Variants in CTNNA2 observed in about 807,000 individuals in gnomAD.
CTNNA2 encodes catenin alpha-2.
CTNNA2 carries 42 observed loss-of-function variants against 101.0 expected under a neutral mutation model. That is an observed-to-expected ratio of 0.42 (90% CI 0.32 to 0.54). The LOEUF is 0.54. Among genes scored for constraint, CTNNA2 ranks in the 20% least tolerant of loss-of-function variants. The pLI, the probability that CTNNA2 is intolerant of heterozygous loss-of-function variation, is 0.14. For missense variants in CTNNA2, 871 were observed against 1,223.1 expected, an observed-to-expected ratio of 0.71 and a Z score of 4.29; for synonymous variants, 450 against 456.4, an observed-to-expected ratio of 0.99 and a Z score of 0.18.
intron 4 of CTNNA2, among the ~76,000 whole-genome samples, chr2:79,455,029 G>A (rs1004173957): frequency 6.6e-6 from 1 of 152,152 alleles, no homozygotes; most frequent in African/African-American, 2.4e-5. Context: ...CAGAACAGAT[G>A]TCATTGAATG....
intron 4 of CTNNA2, among the ~76,000 whole-genome samples, chr2:79,405,806 T>G (rs1678334906): frequency 6.6e-6 from 1 of 152,198 alleles, no homozygotes; most frequent in South Asian, 2.1e-4. Flanking sequence ...AATCCTGAAT[T>G]ATGGAAACTG....
chr2:80,376,644 G>T (rs530327414), intron 7 of CTNNA2, among the ~76,000 whole-genome samples: 111 of 152,256 alleles, frequency 7.3e-4, no homozygotes, highest in East Asian at 2.3e-3. Context: ...ATTTAGAAAA[G>T]AATGTTTTTC....
chr2:80,251,691 T>C (rs1671780412), intron 7 of CTNNA2, among the ~76,000 whole-genome samples: 1 of 152,188 alleles, frequency 6.6e-6, no homozygotes. Context: ...TCTGAATTGT[T>C]GGAAGGCTAG....
At chr2:80,604,326 G>T in intron 16 of CTNNA2, 147 bp downstream of exon 16, 2 of 668,446 alleles carry the variant, frequency 3.0e-6, no homozygotes, top group South Asian at 3.5e-5. Context: ...ACTGGTATCT[G>T]CCTCTCCTGA....
In CTNNA2 at chr2:80,393,253, G is replaced by A. The variant is rs765337293; in HGVS notation, c.1099G>A (p.Asp367Asn). Residue 367 changes from aspartate (D) to asparagine (N), a missense_variant, in exon 8 of 19, where the codon GAT becomes AAT. By Grantham distance (23) the Asp-to-Asn change is conservative (BLOSUM62 1). Transcript: ENST00000402739. ...AGGAGATCCTCTCAACATTGCGATT[G>A]ATAAGATGACTAAGAAAACAAGAGA... ...EKGDPLNIAI[D>N]KMTKKTRDLR... 4.3e-6 allele frequency: 7 copies of A among 1,610,942 alleles called. No homozygotes were observed. In the East Asian group the frequency reaches 1.3e-4, roughly 31 times the overall value.
chr2:80,331,020 TG>T (rs1474381747), intron 7 of CTNNA2, among the ~76,000 whole-genome samples: 24 of 107,144 alleles, frequency 2.2e-4, no homozygotes, highest in East Asian at 8.0e-4. Flanking sequence ...TTAAACTGTA[TG>T]TTTTTTTTTT....
At chr2:80,207,463 G>T (rs2149029130) in intron 7 of CTNNA2, among the ~76,000 whole-genome samples, 1 of 152,332 alleles carries the variant, frequency 6.6e-6, no homozygotes, top group South Asian at 2.1e-4. Flanking sequence ...TGAAATGGAG[G>T]CAGAGAGCAT....
At chr2:79,446,278 A>G (rs112943019) in intron 4 of CTNNA2, among the ~76,000 whole-genome samples, 3 of 152,216 alleles carry the variant, frequency 2.0e-5, no homozygotes, top group African/African-American at 7.2e-5. Flanking sequence ...GCCCTAGAAT[A>G]ACCCTACATT....
Position 80,545,209 on chromosome 2 carries a change from A to C in CTNNA2, c.1383+135A>C, listed in dbSNP as rs1691937095. 6 of 805,178 alleles carry C rather than the reference A, an allele frequency of 7.5e-6. No individual in the cohort carries two copies. The East Asian group carries it at 1.6e-4, about 22-fold the overall frequency. The allele number at this position is 805,178 out of a possible 1,614,324, so 49.9% of individuals were successfully genotyped here. On this transcript the variant is annotated intron_variant, in intron 10 of 18. Transcript: ENST00000402739. Reference sequence around the variant, plus strand: ...TCATTTATGAGCTGTTTCAAGTTCTACCTTTCTCAGAAAGAATAAACCATA... The same window carrying C: ...TCATTTATGAGCTGTTTCAAGTTCTCCCTTTCTCAGAAAGAATAAACCATA...
intron 7 of CTNNA2, among the ~76,000 whole-genome samples, chr2:80,031,896 G>A (rs77368491): frequency 4.6e-5 from 7 of 152,140 alleles, no homozygotes; most frequent in African/African-American, 1.2e-4. Context: ...AGACAACAAC[G>A]ATTCCACATG....
intron 7 of CTNNA2, among the ~76,000 whole-genome samples, chr2:80,056,165 G>C (rs1386803230): frequency 1.3e-5 from 2 of 152,172 alleles, no homozygotes; most frequent in African/African-American, 4.8e-5. Flanking sequence ...GAGTTGAGAT[G>C]AATGCTTCGT....
intron 14 of CTNNA2, among the ~76,000 whole-genome samples, chr2:80,585,346 G>A (rs1273712449): frequency 6.6e-6 from 1 of 152,148 alleles, no homozygotes; most frequent in Non-Finnish European, 1.5e-5. Flanking sequence ...CAGAGGAAAG[G>A]CTGGGAGGGA....
At chr2:79,366,842 A>G (rs1308573430) in intron 3 of CTNNA2, among the ~76,000 whole-genome samples, 1 of 152,244 alleles carries the variant, frequency 6.6e-6, no homozygotes, top group Non-Finnish European at 1.5e-5. Flanking sequence ...TATATCAGAT[A>G]TAATTACTGT....
At chr2:79,804,241 A>G (rs11898775) in intron 3 of CTNNA2, among the ~76,000 whole-genome samples, 2,989 of 152,290 alleles carry the variant, frequency 0.02, 85 homozygotes, top group African/African-American at 0.068. Flanking sequence ...CTATATTCAT[A>G]TATTGCCAAT....
intron 4 of CTNNA2, among the ~76,000 whole-genome samples, chr2:79,487,956 GAC>G (rs1388484625): frequency 2.0e-5 from 3 of 152,092 alleles, no homozygotes; most frequent in Non-Finnish European, 4.4e-5. Context: ...TTTGGCTTAC[GAC>G]ACAAAGTGTT....
At chr2:79,533,472 G>C (rs1057198711) in intron 1 of CTNNA2, among the ~76,000 whole-genome samples, 8 of 152,052 alleles carry the variant, frequency 5.3e-5, no homozygotes, top group African/African-American at 1.9e-4. Flanking sequence ...GTATCTAAAA[G>C]TATATTAAGA....
At chr2:79,819,433 C>T (rs1677836199) in intron 3 of CTNNA2, among the ~76,000 whole-genome samples, 2 of 152,128 alleles carry the variant, frequency 1.3e-5, no homozygotes, top group South Asian at 4.1e-4. Flanking sequence ...TAGAAAATTA[C>T]TTGCATTTTT....
intron 7 of CTNNA2, among the ~76,000 whole-genome samples, chr2:80,147,274 G>T (rs1448948961): frequency 6.6e-6 from 1 of 151,922 alleles, no homozygotes; most frequent in Non-Finnish European, 1.5e-5. Context: ...CCTAATTTTT[G>T]TATTTTTCGT....
At chr2:80,574,045 G>C in intron 12 of CTNNA2, 118 bp from the exon 13 acceptor site, 1 of 972,438 alleles carries the variant, frequency 1.0e-6, no homozygotes, top group Non-Finnish European at 1.6e-6. Context: ...GGACAGATGA[G>C]TGTCTTGCTC....
Sources: gnomAD v4.1 joint callset for allele counts (sites outside exome capture counted in the v4.1 genomes callset) on GRCh38, gnomAD v4.1.1 for gene constraint, MANE v1.5 for transcripts, NCBI Gene and HGNC (gene_info 2026-07-23, HGNC 2026-07-21) for gene names.